Variants in DCAF8L2 observed in about 807,000 individuals in gnomAD.
The protein encoded by DCAF8L2 is DDB1- and CUL4-associated factor 8-like protein 2.
For missense variants in DCAF8L2, 430 were observed against 490.7 expected, an observed-to-expected ratio of 0.88 and a Z score of 1.17; for synonymous variants, 200 against 190.9, an observed-to-expected ratio of 1.05 and a Z score of -0.39.
At chrX:27,504,705 A>G in the DCAF8L2 span, among the ~76,000 whole-genome samples, 24,667 of 110,676 alleles carry the variant, frequency 0.22, 2,582 homozygotes, top group African/African-American at 0.39. Context: ...ACTGACTCAT[A>G]GTAGCAAACA....
intron 1 of DCAF8L2, among the ~76,000 whole-genome samples, chrX:27,614,753 T>C (rs1166348978): frequency 9.0e-6 from 1 of 111,712 alleles, no homozygotes. Flanking sequence ...TTCCATGTAG[T>C]TGAGCGGTTT....
chrX:27,559,590 C>G, the DCAF8L2 span, among the ~76,000 whole-genome samples: 1 of 111,739 alleles, frequency 8.9e-6, no homozygotes, highest in Non-Finnish European at 1.9e-5. Flanking sequence ...CTGTGGGTGT[C>G]CATGCTGTTG....
chrX:27,526,346 T>C, the DCAF8L2 span, among the ~76,000 whole-genome samples: 1 of 112,341 alleles, frequency 8.9e-6, no homozygotes, highest in Non-Finnish European at 1.9e-5. Flanking sequence ...ATTCATCACG[T>C]AGTTCTCGTG....
chrX:27,618,338 A>T (rs1374670085), intron 1 of DCAF8L2, among the ~76,000 whole-genome samples: 3 of 111,585 alleles, frequency 2.7e-5, no homozygotes, highest in Non-Finnish European at 5.7e-5. Context: ...CACACGGGTA[A>T]AAAGATAGTC....
intron 2 of DCAF8L2, among the ~76,000 whole-genome samples, chrX:27,648,566 A>C (rs891439316): frequency 3.7e-5 from 4 of 108,264 alleles, no homozygotes; most frequent in Non-Finnish European, 7.6e-5. Flanking sequence ...ACTTTTTGGA[A>C]TTGCATACAG....
At chrX:27,491,163 T>G in the DCAF8L2 span, among the ~76,000 whole-genome samples, 8 of 112,874 alleles carry the variant, frequency 7.1e-5, no homozygotes, top group East Asian at 1.1e-3. Context: ...TAAAAAATGT[T>G]TTGCATTTTA....
At chrX:27,621,951 C>T (rs753337208) in intron 1 of DCAF8L2, among the ~76,000 whole-genome samples, 28 of 109,759 alleles carry the variant, frequency 2.6e-4, no homozygotes, top group African/African-American at 8.3e-4. Flanking sequence ...TGAGGTTGCA[C>T]CATGCAATCC....
intron 1 of DCAF8L2, among the ~76,000 whole-genome samples, chrX:27,620,077 TGAG>T (rs773339953): frequency 9.0e-6 from 1 of 111,660 alleles, no homozygotes; most frequent in South Asian, 3.7e-4. Flanking sequence ...TCACTTATAA[TGAG>T]GAGAATGTAA....
At chrX:27,694,407 C>G (rs1476762413) in intron 3 of DCAF8L2, among the ~76,000 whole-genome samples, 1 of 111,231 alleles carries the variant, frequency 9.0e-6, no homozygotes, top group African/African-American at 3.3e-5. Flanking sequence ...TTATCTTTAT[C>G]TCCATTTAAC....
the DCAF8L2 span, among the ~76,000 whole-genome samples, chrX:27,584,771 A>G: frequency 1.8e-5 from 2 of 112,186 alleles, no homozygotes; most frequent in Non-Finnish European, 3.8e-5. Context: ...AAAAGAATTA[A>G]CATAAAAATG....
chrX:27,732,523 T>C (rs910179384), intron 4 of DCAF8L2, among the ~76,000 whole-genome samples: 6 of 109,932 alleles, frequency 5.5e-5, no homozygotes, highest in Non-Finnish European at 3.8e-5. Context: ...TGTGTCAAGG[T>C]GCCAGCTGAT....
chrX:27,546,235 C>A, the DCAF8L2 span, among the ~76,000 whole-genome samples: 15 of 112,183 alleles, frequency 1.3e-4, no homozygotes, highest in African/African-American at 4.5e-4. Context: ...AAATGATCTC[C>A]TTTGACTTCA....
chrX:27,536,893 C>A, the DCAF8L2 span, among the ~76,000 whole-genome samples: 1 of 111,855 alleles, frequency 8.9e-6, no homozygotes, highest in East Asian at 2.8e-4. Context: ...GCCTTTTCTT[C>A]CCATGTAAGT....
At chrX:27,589,751 C>A (rs1179256160), upstream of DCAF8L2, among the ~76,000 whole-genome samples, 1 of 111,963 alleles carries the variant, frequency 8.9e-6, no homozygotes, top group African/African-American at 3.2e-5. Context: ...GTATTTTAAT[C>A]AAAATGTCAT....
chrX:27,536,735 C>T, the DCAF8L2 span, among the ~76,000 whole-genome samples: 3 of 111,174 alleles, frequency 2.7e-5, no homozygotes, highest in Non-Finnish European at 3.8e-5. Context: ...ATACATGAAC[C>T]GAAGAGGCCC....
intron 4 of DCAF8L2, among the ~76,000 whole-genome samples, chrX:27,743,857 C>T (rs5971448): frequency 9.2e-6 from 1 of 108,476 alleles, no homozygotes; most frequent in East Asian, 2.9e-4. Flanking sequence ...CTCAGCCTCC[C>T]AAGTAGCTGG....
the DCAF8L2 span, among the ~76,000 whole-genome samples, chrX:27,567,852 A>C: frequency 5.5e-5 from 6 of 109,634 alleles, no homozygotes; most frequent in African/African-American, 2.0e-4. Flanking sequence ...CTGATTAGTT[A>C]AGTATTAAAA....
chrX:27,720,499 G>A (rs1486444989), intron 4 of DCAF8L2, among the ~76,000 whole-genome samples: 8 of 110,112 alleles, frequency 7.3e-5, no homozygotes, highest in African/African-American at 6.6e-5. Flanking sequence ...TCAGCCTCCC[G>A]AGTAGCTGGG....
rs1569189357 is a variant in DCAF8L2, at chrX:27,711,400, T to TAC, written c.-142-4688_-142-4687insAC. On this transcript the variant is annotated intron_variant, in intron 3 of 4. Transcript: ENST00000451261. ...ATATGTGTGTGTGTGTGTGTGTACG[T>TAC]GTGTGTGTGTGTGTGTGTGTGTGTA... is the stretch of plus-strand genomic sequence containing the variant. Among the ~76,000 whole-genome samples the TAC allele has an allele frequency of 4.4e-3, 191 of 43,048 alleles. 1 individual carries two copies. The highest frequency in any genetic ancestry group is 0.019 in the African/African-American group (142 of 7,566). The allele number at this position is 43,048 out of a possible 115,157, so 37.4% of individuals were successfully genotyped here.
Sources: allele counts gnomAD v4.1 joint callset (sites outside exome capture counted in the v4.1 genomes callset), GRCh38; gene constraint gnomAD v4.1.1; transcripts MANE v1.5; gene names NCBI Gene and HGNC (gene_info 2026-07-23, HGNC 2026-07-21).